The following PHLDB2 variants were observed in gnomAD, a reference collection of about 807,000 sequenced individuals.
PHLDB2 encodes pleckstrin homology-like domain family B member 2.
A neutral mutation model predicts 123.6 loss-of-function variants in PHLDB2; 71 were observed. That is an observed-to-expected ratio of 0.57 (90% confidence interval 0.47 to 0.70). PHLDB2 has a LOEUF of 0.70. Among genes scored for constraint, PHLDB2 ranks in the 30% least tolerant of loss-of-function variants. The pLI, the probability that PHLDB2 is intolerant of heterozygous loss-of-function variation, is 0.00. For synonymous variants in PHLDB2, 547 were observed against 541.6 expected, an observed-to-expected ratio of 1.01 and a Z score of -0.14; for missense variants, 1,446 against 1,519.5, an observed-to-expected ratio of 0.95 and a Z score of 0.80.
chr3:111,847,783 G>C (rs894156150), intron 2 of PHLDB2, among the ~76,000 whole-genome samples: 2 of 152,126 alleles, frequency 1.3e-5, no homozygotes, highest in African/African-American at 4.8e-5. Context: ...GAAATACCAG[G>C]TAGTAAATGA....
rs778774924 is a variant in PHLDB2 at position 111,939,549 on chromosome 3, T to C, written c.2205T>C (p.Arg735=). The C allele has an allele frequency of 3.3e-5, 54 of 1,613,826 alleles. No homozygotes were observed. Among genetic ancestry groups the C allele is most frequent in the Non-Finnish European group, 4.3e-5 (51 of 1,179,918 alleles). Residue 735 remains arginine, a synonymous_variant, in exon 7 of 18, where the codon CGT becomes CGC. Transcript: ENST00000431670. ...TCCAGCAGCTTGAACATGAGAGCCGTCTAGATGAAGAAAAGGAGAACTTGA... is the reference window on the plus strand; with the variant it reads ...TCCAGCAGCTTGAACATGAGAGCCGCCTAGATGAAGAAAAGGAGAACTTGA... ...LEFQQLEHES[R]LDEEKENLTQ...
At chr3:111,911,753 G>C in intron 2 of PHLDB2, 1 of 1,514,206 alleles carries the variant, frequency 6.6e-7, no homozygotes, top group Non-Finnish European at 8.9e-7. Flanking sequence ...TAGTTTATTA[G>C]TCCTTTTGAT....
At chr3:111,955,799 C>T (rs143839928) in intron 12 of PHLDB2, among the ~76,000 whole-genome samples, 1 of 152,312 alleles carries the variant, frequency 6.6e-6, no homozygotes, top group East Asian at 1.9e-4. Context: ...AGATTGGCCA[C>T]AACACCAACA....
intron 1 of PHLDB2, among the ~76,000 whole-genome samples, chr3:111,791,786 C>T (rs1308710299): frequency 6.6e-6 from 1 of 152,076 alleles, no homozygotes; most frequent in Non-Finnish European, 1.5e-5. Context: ...ATTAGGATAT[C>T]CATTGCTTCA....
In PHLDB2 at chr3:111,884,195, C is replaced by G. The variant is rs1222932626; in HGVS notation, c.118C>G (p.Pro40Ala). 1 of 1,614,124 alleles carries G rather than the reference C, an allele frequency of 6.2e-7. No homozygotes were observed. Among genetic ancestry groups the G allele is most frequent in the Admixed American group, 1.7e-5 (1 of 60,020 alleles). The change falls in exon 2 of 18, where the codon CCA (proline) becomes GCA (alanine). Residue 40 changes from proline (P) to alanine (A), a missense_variant. Around this residue, in one of 3 missense-constraint regions of PHLDB2, gnomAD observed 832 missense variants for 831.9 expected, o/e 1.00. Coordinates refer to ENST00000431670, the MANE Select transcript of PHLDB2 (RefSeq NM_001134438.2). The part of the protein sequence containing the change: ...DSQNMMESLS[P>A]KKYSSSLRFK... The stretch of plus-strand genomic sequence containing the variant: ...CCAAAACATGATGGAGAGCCTCAGC[C>G]CAAAGAAATACTCTTCCAGTCTGAG...
chr3:111,972,763 A>G (rs902286236), intron 16 of PHLDB2, among the ~76,000 whole-genome samples: 1 of 152,144 alleles, frequency 6.6e-6, no homozygotes, highest in Admixed American at 6.6e-5. Flanking sequence ...CTATAATTGA[A>G]TCAGTCTCCT....
intron 1 of PHLDB2, among the ~76,000 whole-genome samples, chr3:111,782,763 C>G (rs1291223353): frequency 6.6e-6 from 1 of 152,116 alleles, no homozygotes; most frequent in Non-Finnish European, 1.5e-5. Flanking sequence ...CAACAACCCT[C>G]TCTACTTTTC....
rs2071377293 is a variant in PHLDB2, at chr3:111,961,045, C to G, written c.2873-1063C>G. Among the ~76,000 whole-genome samples the G allele has an allele frequency of 2.0e-5, 3 of 152,154 alleles. No individual in the cohort carries two copies. In the South Asian group the frequency reaches 6.2e-4, roughly 32 times the overall value. On this transcript the variant is annotated intron_variant, in intron 12 of 17. Coordinates refer to ENST00000431670, the MANE Select transcript of PHLDB2 (RefSeq NM_001134438.2). ...ACCGAGCACCAGGGTAAAGAAAAGA[C>G]CTCTTGGCCGGGCACGGTGGCTCAC...
intron 13 of PHLDB2, among the ~76,000 whole-genome samples, chr3:111,964,825 A>G (rs937020445): frequency 1.3e-5 from 2 of 152,158 alleles, no homozygotes; most frequent in Admixed American, 6.6e-5. Context: ...CATTGACTAT[A>G]TGAAAAAAAG....
chr3:111,969,887 G>C lies in PHLDB2; in HGVS notation c.3513G>C (p.Lys1171Asn). ...KKRWFVFDRN[K>N]RTFSYYADKH... is the part of the protein sequence containing the mutation. ...GTTGGTTTGTTTTTGATCGGAACAAGCGAACATTCTCTTATTATGCAGGTG... is the reference window on the plus strand; with the variant it reads ...GTTGGTTTGTTTTTGATCGGAACAACCGAACATTCTCTTATTATGCAGGTG... Residue 1171 changes from lysine to asparagine, a missense_variant, in exon 16 of 18, where the codon AAG becomes AAC. Lys to Asn is a moderately conservative substitution (Grantham distance 94, BLOSUM62 0). Transcript: ENST00000431670. 1 of 1,613,960 alleles carries C rather than the reference G, an allele frequency of 6.2e-7. No homozygotes were observed. Among genetic ancestry groups the C allele is most frequent in the Non-Finnish European group, 8.5e-7 (1 of 1,179,858 alleles).
intron 1 of PHLDB2, among the ~76,000 whole-genome samples, chr3:111,755,487 C>A (rs1430034727): frequency 7.4e-6 from 1 of 135,442 alleles, no homozygotes; most frequent in South Asian, 2.5e-4. Context: ...TCTGTGGGAT[C>A]GGTGGTGATA....
intron 1 of PHLDB2, among the ~76,000 whole-genome samples, chr3:111,874,068 T>G (rs2065478434): frequency 6.6e-6 from 1 of 152,234 alleles, no homozygotes; most frequent in African/African-American, 2.4e-5. Flanking sequence ...TTGTTGGATG[T>G]ACCAGTGGTC....
At chr3:111,934,849 A>G (rs530215957) in intron 6 of PHLDB2, among the ~76,000 whole-genome samples, 141 of 151,818 alleles carry the variant, frequency 9.3e-4, no homozygotes, top group Middle Eastern at 3.4e-3. Context: ...ATATATGAGG[A>G]TATTTAGGCC....
intron 1 of PHLDB2, among the ~76,000 whole-genome samples, chr3:111,832,375 TAAAAAAACAAAAAAC>T (rs1365251524): frequency 8.5e-5 from 12 of 141,130 alleles, no homozygotes; most frequent in South Asian, 6.5e-4. Context: ...TCTTATTTTT[TAAAAAAACAAAAAAC>T]AAAAAAACAA....
Position 111,972,641 on chromosome 3 carries a change from C to G in PHLDB2, c.3536-1091C>G, listed in dbSNP as rs137981679. ...TACATTTGGGACTAAATTATTCATTCTATTCGTACCCTATTTCATATAATA... is the reference window on the plus strand; with the variant it reads ...TACATTTGGGACTAAATTATTCATTGTATTCGTACCCTATTTCATATAATA... On this transcript the variant is annotated intron_variant, in intron 16 of 17. Coordinates refer to ENST00000431670, the MANE Select transcript of PHLDB2 (RefSeq NM_001134438.2). Among the ~76,000 whole-genome samples the G allele has an allele frequency of 5.3e-3, 692 of 131,548 alleles. 9 individuals are homozygous for G. Among genetic ancestry groups the G allele is most frequent in the African/African-American group, 0.016 (624 of 39,462 alleles). The allele number at this position is 131,548 out of a possible 152,430, so 86.3% of individuals were successfully genotyped here.
chr3:111,786,571 CT>C (rs1421287045), intron 1 of PHLDB2, among the ~76,000 whole-genome samples: 1 of 152,084 alleles, frequency 6.6e-6, no homozygotes, highest in East Asian at 1.9e-4. Context: ...ACTATTGTTA[CT>C]TTCAAAAATT....
At chr3:111,783,493 T>C (rs2060562737) in intron 1 of PHLDB2, among the ~76,000 whole-genome samples, 1 of 151,566 alleles carries the variant, frequency 6.6e-6, no homozygotes, top group Non-Finnish European at 1.5e-5. Flanking sequence ...ATGAGCAAGG[T>C]AAAGAAATTA....
Position 111,974,933 on chromosome 3 carries a change from A to C in PHLDB2, c.*370A>C, listed in dbSNP as rs3749301. 31,343 of 156,778 alleles carry C rather than the reference A, an allele frequency of 0.2. 3,202 individuals are homozygous for C. Among genetic ancestry groups the C allele is most frequent in the Middle Eastern group, 0.28 (90 of 324 alleles). 9.7% of individuals were successfully genotyped at this position (156,778 alleles called of 1,614,324 possible). A position where few individuals can be genotyped will look rare whatever the true frequency, so the allele number is the denominator to read the frequency against. On this transcript the variant is annotated 3_prime_UTR_variant, in exon 18 of 18. Coordinates refer to ENST00000431670, the MANE Select transcript of PHLDB2 (RefSeq NM_001134438.2). ...AAATACAGAATAACTTTATCACCCAAATCACTGGCATTGACATTATTGGTA... is the reference window on the plus strand; with the variant it reads ...AAATACAGAATAACTTTATCACCCACATCACTGGCATTGACATTATTGGTA...
Position 111,804,081 on chromosome 3 carries a change from T to C in PHLDB2, c.-48-41740T>C, listed in dbSNP as rs534812431. Among the ~76,000 whole-genome samples the C allele has an allele frequency of 1.9e-4, 29 of 152,320 alleles. No homozygotes were observed. The South Asian group carries it at 5.0e-3, about 26-fold the overall frequency. ...AAGCCTTTTTAGACATTTTTTCTGA[T>C]CGTCCTCTCCTCCATGAGATTTAAT... On this transcript the variant is annotated intron_variant, in intron 1 of 17. Coordinates refer to the PHLDB2 transcript ENST00000393923.
Sources: gnomAD v4.1 joint callset for allele counts (sites outside exome capture counted in the v4.1 genomes callset) on GRCh38, gnomAD v4.1.1 for gene constraint, gnomAD v4.1.1 regional missense constraint, MANE v1.5 for transcripts, NCBI Gene and HGNC (gene_info 2026-07-23, HGNC 2026-07-21) for gene names.